Variants in NCKAP5 observed in about 807,000 individuals in gnomAD.
NCKAP5 encodes the protein nck-associated protein 5.
Under a neutral mutation model 167.0 loss-of-function variants are expected in NCKAP5, and 92 were observed. The observed-to-expected ratio is 0.55, with a 90% confidence interval of 0.47 to 0.66. The LOEUF is 0.66. Among genes scored for constraint, NCKAP5 ranks in the 30% least tolerant of loss-of-function variants. The pLI is 0.00. For missense variants in NCKAP5, 2,378 were observed against 2,315.0 expected (o/e 1.03, Z -0.56); for synonymous variants, 891 against 877.4 (o/e 1.02, Z -0.27).
intron 4 of NCKAP5, 52 bp from the exon 5 acceptor site, chr2:133,213,831 C>T: frequency 6.4e-7 from 1 of 1,568,464 alleles, no homozygotes; most frequent in Non-Finnish European, 8.8e-7. Context: ...GTAGAGGTGA[C>T]ACTGGCATGG....
intron 2 of NCKAP5, among the ~76,000 whole-genome samples, chr2:133,554,115 T>A (rs1687571827): frequency 6.6e-6 from 1 of 152,178 alleles, no homozygotes; most frequent in South Asian, 2.1e-4. Flanking sequence ...AGCAGCAGAA[T>A]CTCTGAGGCT....
At chr2:132,759,070 G>T (rs1451252387) in intron 16 of NCKAP5, among the ~76,000 whole-genome samples, 2 of 150,776 alleles carry the variant, frequency 1.3e-5, no homozygotes, top group Non-Finnish European at 3.0e-5. Flanking sequence ...GTTTAGTTTT[G>T]CTCACTAAAC....
intron 5 of NCKAP5, among the ~76,000 whole-genome samples, chr2:133,189,210 T>C (rs190622808): frequency 7.7e-4 from 117 of 152,156 alleles, no homozygotes; most frequent in Non-Finnish European, 1.5e-3. Flanking sequence ...CCTGGACACA[T>C]ACAGCCTCCC....
At chr2:132,817,020 C>T (rs1341995265) in intron 11 of NCKAP5, among the ~76,000 whole-genome samples, 2 of 152,162 alleles carry the variant, frequency 1.3e-5, no homozygotes, top group Non-Finnish European at 2.9e-5. Context: ...ATACTGTCAC[C>T]ACGTGGTACT....
At chr2:132,947,251 A>G (rs1488455835) in intron 8 of NCKAP5, among the ~76,000 whole-genome samples, 2 of 152,204 alleles carry the variant, frequency 1.3e-5, no homozygotes, top group African/African-American at 2.4e-5. Flanking sequence ...GGTACTAAAA[A>G]AAGTTAAGAA....
At chr2:132,919,916 G>C (rs925463457) in intron 8 of NCKAP5, among the ~76,000 whole-genome samples, 7 of 152,190 alleles carry the variant, frequency 4.6e-5, no homozygotes, top group Non-Finnish European at 8.8e-5. Context: ...GAGAGGCCAA[G>C]TCTTGCTTGT....
intron 7 of NCKAP5, among the ~76,000 whole-genome samples, chr2:132,964,441 G>A (rs1200812105): frequency 6.6e-6 from 1 of 152,056 alleles, no homozygotes; most frequent in Non-Finnish European, 1.5e-5. Context: ...TTCGTACTAT[G>A]GCCTTGAGGC....
At chr2:133,259,090 T>C (rs2088777612) in intron 4 of NCKAP5, among the ~76,000 whole-genome samples, 1 of 152,152 alleles carries the variant, frequency 6.6e-6, no homozygotes, top group Non-Finnish European at 1.5e-5. Context: ...CTCAGGTCCC[T>C]GCCTGAGCTC....
intron 4 of NCKAP5, among the ~76,000 whole-genome samples, chr2:133,244,625 A>AG (rs2087885007): frequency 6.6e-6 from 1 of 152,130 alleles, no homozygotes; most frequent in African/African-American, 2.4e-5. Context: ...ATTTAAAAAA[A>AG]CAGGCCCATG....
chr2:133,020,405 G>A (rs1237404125), intron 6 of NCKAP5, among the ~76,000 whole-genome samples: 2 of 152,182 alleles, frequency 1.3e-5, no homozygotes, highest in African/African-American at 4.8e-5. Context: ...ACCCAGACTA[G>A]GGCAGAAAAC....
intron 5 of NCKAP5, among the ~76,000 whole-genome samples, chr2:133,131,083 T>C (rs1421712039): frequency 1.3e-5 from 2 of 152,182 alleles, no homozygotes; most frequent in African/African-American, 4.8e-5. Context: ...TTAAATATGA[T>C]TCATCTCATG....
At chr2:133,449,033 T>C (rs1411680547) in intron 3 of NCKAP5, among the ~76,000 whole-genome samples, 3 of 152,214 alleles carry the variant, frequency 2.0e-5, no homozygotes, top group Non-Finnish European at 2.9e-5. Flanking sequence ...TTTTTCCACA[T>C]AGATTTAATT....
At chr2:132,700,548 G>T (rs866609457) in intron 19 of NCKAP5, among the ~76,000 whole-genome samples, 1 of 152,146 alleles carries the variant, frequency 6.6e-6, no homozygotes, top group Non-Finnish European at 1.5e-5. Flanking sequence ...CATATGGCTA[G>T]CCAGTTTTCC....
At chr2:133,442,306 T>A (rs1690909903) in intron 3 of NCKAP5, among the ~76,000 whole-genome samples, 1 of 152,126 alleles carries the variant, frequency 6.6e-6, no homozygotes, top group Admixed American at 6.5e-5. Flanking sequence ...AGGCAGTGGT[T>A]CTGACAAAGA....
In NCKAP5 at chr2:133,045,293, C is replaced by T. The variant is rs116016986; in HGVS notation, c.342-51054G>A. 3.6e-3 allele frequency among the ~76,000 whole-genome samples: 552 copies of T among 152,036 alleles called. 2 individuals carry two copies. The highest frequency in any genetic ancestry group is 0.013 in the African/African-American group (521 of 41,502). ...CAGAGGAATACATACAGTATGTTATCAGTTTATGATGTTTTATAAATGAAA... is the reference window on the plus strand; with the variant it reads ...CAGAGGAATACATACAGTATGTTATTAGTTTATGATGTTTTATAAATGAAA... On this transcript the variant is annotated intron_variant, in intron 6 of 19. Coordinates refer to ENST00000409261, the MANE Select transcript of NCKAP5 (RefSeq NM_207363.3).
At chr2:132,969,146 T>C (rs1328323551) in intron 7 of NCKAP5, among the ~76,000 whole-genome samples, 1 of 152,110 alleles carries the variant, frequency 6.6e-6, no homozygotes, top group Non-Finnish European at 1.5e-5. Flanking sequence ...CAGGCGATTC[T>C]CCTGTCTCAG....
chr2:132,891,872 A>G (rs891299997), intron 8 of NCKAP5, among the ~76,000 whole-genome samples: 2 of 152,176 alleles, frequency 1.3e-5, no homozygotes, highest in African/African-American at 4.8e-5. Context: ...GTGCTTTTCA[A>G]ATTTCCTTTT....
chr2:132,750,236 A>G (rs1680000926), intron 16 of NCKAP5, among the ~76,000 whole-genome samples: 1 of 152,164 alleles, frequency 6.6e-6, no homozygotes, highest in African/African-American at 2.4e-5. Flanking sequence ...TTTTGTGTTC[A>G]GGAAGCGTAA....
chr2:133,176,527 T>C lies in NCKAP5; in HGVS notation c.207+37189A>G, dbSNP rs183200351. Reference sequence around the variant, plus strand: ...ACAATTATGTTCTTTGGATAGAATGTTACTTATATTCCATTAGTTAAACAC... The same window carrying C: ...ACAATTATGTTCTTTGGATAGAATGCTACTTATATTCCATTAGTTAAACAC... On this transcript the variant is annotated intron_variant, in intron 5 of 19. Transcript: ENST00000409261. Among the ~76,000 whole-genome samples the C allele has an allele frequency of 1.2e-4, 18 of 152,328 alleles. No homozygotes were observed. In the East Asian group the frequency reaches 3.5e-3, roughly 29 times the overall value.
Sources: allele counts gnomAD v4.1 joint callset (sites outside exome capture counted in the v4.1 genomes callset), GRCh38; gene constraint gnomAD v4.1.1; transcripts MANE v1.5; gene names NCBI Gene and HGNC (gene_info 2026-07-23, HGNC 2026-07-21).